The following DEPDC5 variants were observed in gnomAD, a reference collection of about 807,000 sequenced individuals.
DEPDC5 encodes the protein GATOR1 complex protein DEPDC5.
Under a neutral mutation model 217.3 loss-of-function variants are expected in DEPDC5, and 73 were observed. The ratio of observed to expected loss-of-function variants is 0.34; its 90% CI spans 0.28 to 0.41. The LOEUF is 0.41. Ranked by LOEUF, DEPDC5 falls within the 10% of genes least tolerant of loss-of-function variation. The probability of loss-of-function intolerance (pLI) is 1.00; values close to 1 mark genes in which losing one functional copy is unlikely to be tolerated. For missense variants in DEPDC5, 1,675 were observed against 2,070.1 expected (o/e 0.81, Z 3.70); for synonymous variants, 733 against 756.7 (o/e 0.97, Z 0.51).
intron 9 of DEPDC5, chr22:31,784,386 T>C (rs1050850464): frequency 2.1e-5 from 4 of 190,380 alleles, no homozygotes; most frequent in African/African-American, 4.8e-5. Context: ...CCTAGCACTT[T>C]GGGAGGCTGA....
At chr22:31,841,310 C>T (rs938111585) in intron 27 of DEPDC5, among the ~76,000 whole-genome samples, 9 of 152,256 alleles carry the variant, frequency 5.9e-5, no homozygotes, top group Non-Finnish European at 1.0e-4. Context: ...CTGTCCTCCT[C>T]TCTCCTCTTG....
At chr22:31,889,581 G>A (rs1490223862) in intron 38 of DEPDC5, among the ~76,000 whole-genome samples, 37 of 125,448 alleles carry the variant, frequency 2.9e-4, no homozygotes, top group African/African-American at 1.1e-3. Context: ...ACAGAGTCTC[G>A]CTCTGTTGCC....
chr22:31,824,110 G>A (rs1042875784), intron 24 of DEPDC5, among the ~76,000 whole-genome samples: 2 of 152,172 alleles, frequency 1.3e-5, no homozygotes, highest in African/African-American at 4.8e-5. Context: ...TCACCCTTTG[G>A]GAGGCCAGGT....
At chr22:31,898,296 G>GCCCAGAA (rs1426751910) in intron 40 of DEPDC5, among the ~76,000 whole-genome samples, 1 of 152,104 alleles carries the variant, frequency 6.6e-6, no homozygotes, top group East Asian at 1.9e-4. Context: ...CTACCCCAGA[G>GCCCAGAA]CCCAGAACCC....
intron 18 of DEPDC5, among the ~76,000 whole-genome samples, chr22:31,806,681 A>G (rs1164548881): frequency 1.3e-5 from 2 of 152,226 alleles, no homozygotes; most frequent in Non-Finnish European, 2.9e-5. Flanking sequence ...AAGGGGAAAT[A>G]TGATAAAAAG....
At chr22:31,885,117 G>T (rs2093273758) in intron 38 of DEPDC5, among the ~76,000 whole-genome samples, 2 of 152,132 alleles carry the variant, frequency 1.3e-5, no homozygotes, top group South Asian at 4.1e-4. Flanking sequence ...GATCCAGAGA[G>T]ACCTCTTCAA....
intron 32 of DEPDC5, chr22:31,858,204 C>G (rs2032401574): frequency 6.6e-6 from 1 of 152,212 alleles, no homozygotes; most frequent in South Asian, 2.1e-4. Context: ...TAGCTTCCAC[C>G]AGAGCTCGCT....
Position 31,778,147 on chromosome 22 carries a change from C to T in DEPDC5, c.462C>T (p.Gly154=), listed in dbSNP as rs2148328974. 2 of 1,614,144 alleles carry T rather than the reference C, an allele frequency of 1.2e-6. No individual in the cohort carries two copies. The highest frequency in any genetic ancestry group is 1.7e-6 in the Non-Finnish European group (2 of 1,180,010). ...LWVKNEKVMC[G]YISEDTRVVF... ...TTAAGAATGAGAAGGTCATGTGTGG[C>T]TACATCAGTGAAGATACCAGGGTAA... Residue 154 remains glycine (G), a synonymous_variant, in exon 8 of 43, where the codon GGC becomes GGT. Transcript: ENST00000651528.
intron 29 of DEPDC5, 93 bp from the exon 30 acceptor site, chr22:31,844,925 C>A: frequency 1.5e-6 from 2 of 1,302,806 alleles, no homozygotes; most frequent in South Asian, 1.2e-5. Context: ...GGGAGATGGA[C>A]CTTCACACAC....
At chr22:31,837,420 A>C (rs1264305198) in intron 26 of DEPDC5, 3 of 477,428 alleles carry the variant, frequency 6.3e-6, no homozygotes, top group Non-Finnish European at 1.1e-5. Context: ...GTATGATCAC[A>C]ACTCACTGCA....
At chr22:31,769,164 G>A in intron 7 of DEPDC5, 1 of 180,862 alleles carries the variant, frequency 5.5e-6, no homozygotes, top group Non-Finnish European at 1.2e-5. Context: ...GGAGACTGAG[G>A]CAGGAGAATG....
chr22:31,875,933 A>C (rs1025114153), intron 36 of DEPDC5: 1 of 457,574 alleles, frequency 2.2e-6, no homozygotes, highest in Non-Finnish European at 3.9e-6. Context: ...GCTCCCGGCC[A>C]TCTGAATTTC....
chr22:31,762,325 T>C (rs1244167044), intron 4 of DEPDC5, among the ~76,000 whole-genome samples: 1 of 152,232 alleles, frequency 6.6e-6, no homozygotes, highest in Non-Finnish European at 1.5e-5. Context: ...TGATTCCTGC[T>C]TACTTATTCT....
At chr22:31,789,066 T>G (rs1249520562) in intron 10 of DEPDC5, among the ~76,000 whole-genome samples, 2 of 151,804 alleles carry the variant, frequency 1.3e-5, no homozygotes, top group Admixed American at 1.3e-4. Context: ...CCTGCTAATT[T>G]TTGTATTTTT....
intron 31 of DEPDC5, among the ~76,000 whole-genome samples, chr22:31,847,333 C>T (rs1191471352): frequency 6.7e-6 from 1 of 149,746 alleles, no homozygotes; most frequent in Non-Finnish European, 1.5e-5. Flanking sequence ...GCCTGGCCAA[C>T]ATGGCAAAAC....
At chr22:31,819,494 G>T (rs372921350) in intron 22 of DEPDC5, among the ~76,000 whole-genome samples, 34 of 149,888 alleles carry the variant, frequency 2.3e-4, no homozygotes, top group African/African-American at 7.4e-4. Flanking sequence ...TTGAGACAGG[G>T]TCTCACTCTA....
intron 39 of DEPDC5, among the ~76,000 whole-genome samples, chr22:31,896,138 T>C (rs1038791644): frequency 6.6e-6 from 1 of 152,156 alleles, no homozygotes; most frequent in African/African-American, 2.4e-5. Context: ...AAGTACACCT[T>C]TCACATCTGT....
At chr22:31,812,420 C>CTTTTTTTTTT (rs57618137) in intron 20 of DEPDC5, among the ~76,000 whole-genome samples, 2 of 98,282 alleles carry the variant, frequency 2.0e-5, no homozygotes, top group Non-Finnish European at 3.9e-5. Flanking sequence ...TTCCATATTT[C>CTTTTTTTTTT]TTTTTTTTTT....
At chr22:31,840,679 T>C (rs2091337829) in intron 27 of DEPDC5, among the ~76,000 whole-genome samples, 1 of 152,188 alleles carries the variant, frequency 6.6e-6, no homozygotes, top group Non-Finnish European at 1.5e-5. Flanking sequence ...TGGTTATTTT[T>C]TTGCTGTGAT....
Sources: allele counts gnomAD v4.1 joint callset (sites outside exome capture counted in the v4.1 genomes callset), GRCh38; gene constraint gnomAD v4.1.1; transcripts MANE v1.5; gene names NCBI Gene and HGNC (gene_info 2026-07-23, HGNC 2026-07-21).